The following ANKRD52 variants were observed in gnomAD, a reference collection of about 807,000 sequenced individuals.
The protein encoded by ANKRD52 is ankyrin repeat domain 52.
ANKRD52 carries 7 observed loss-of-function variants against 116.0 expected under a neutral mutation model. The observed-to-expected ratio is 0.06, with a 90% CI of 0.03 to 0.11. ANKRD52 has a LOEUF of 0.11. ANKRD52 is among the 10% of genes least tolerant of loss of function. The probability of loss-of-function intolerance (pLI) is 1.00; values close to 1 mark genes in which losing one functional copy is unlikely to be tolerated. For synonymous variants in ANKRD52, 528 were observed against 578.1 expected (o/e 0.91, Z 1.24); for missense variants, 839 against 1,408.6 (o/e 0.60, Z 6.47).
intron 15 of ANKRD52, among the ~76,000 whole-genome samples, chr12:56,250,370 T>A (rs1437694299): frequency 5.5e-5 from 8 of 145,370 alleles, no homozygotes; most frequent in African/African-American, 1.8e-4. Flanking sequence ...TTTTGTGGGT[T>A]TTTTTTTTTT....
chr12:56,255,183 T>A lies in ANKRD52; in HGVS notation c.463-231A>T. Reference sequence around the variant, plus strand: ...AGAGTCTCTTCAGGTGATCTGGTGGTTCTTAAACTCTTTTTTTTTTTTTTT... The same window carrying A: ...AGAGTCTCTTCAGGTGATCTGGTGGATCTTAAACTCTTTTTTTTTTTTTTT... On this transcript the variant is annotated intron_variant, in intron 5 of 27. Transcript: ENST00000267116. This position sits in a 1 kb window ranked among gnomAD's most constrained non-coding sequence, Gnocchi z 4.3. 2.2e-6 allele frequency: 1 copy of A among 452,944 alleles called. No homozygotes were observed. Among genetic ancestry groups the A allele is most frequent in the South Asian group, 4.6e-5 (1 of 21,736 alleles). 28.1% of individuals were successfully genotyped at this position (452,944 alleles called of 1,614,324 possible).
rs1871729660 is a variant in ANKRD52 at position 56,252,126 on chromosome 12, G to A, written c.1512-31C>T. On this transcript the variant is annotated intron_variant, in intron 14 of 27. Transcript: ENST00000267116. The surrounding 1 kb of genome is among the most constrained non-coding windows in gnomAD (Gnocchi z 4.7). Reference sequence around the variant, plus strand: ...GAAGAGAGAGAGAAAGTTAGGGCCAGGCTCAGGGAGGTGAATGGGGCTGAG... The same window carrying A: ...GAAGAGAGAGAGAAAGTTAGGGCCAAGCTCAGGGAGGTGAATGGGGCTGAG... The A allele has an allele frequency of 4.3e-6, 7 of 1,613,946 alleles. No individual in the cohort carries two copies. The highest frequency in any genetic ancestry group is 5.1e-6 in the Non-Finnish European group (6 of 1,179,842).
rs1296018775 is a variant in ANKRD52, at chr12:56,247,497, C to T, written c.2180G>A (p.Arg727His). The change falls in exon 20 of 28, where the codon CGC (arginine) becomes CAC (histidine). Residue 727 changes from arginine to histidine, a missense_variant. Around this residue, in one of 2 missense-constraint regions of ANKRD52, gnomAD observed 552 missense variants for 810.6 expected, o/e 0.68. Transcript: ENST00000267116. ...CCCCCCTAGAAGCTCACTCACCCCG[C>T]GGTGGAGGGCAGTGCGGCCCCGGAG... The part of the protein sequence containing the change: ...ADLRGRTALH[R>H]GAVTGCEDCL... 9 of 1,575,128 alleles carry T rather than the reference C, an allele frequency of 5.7e-6. No homozygotes were observed. Among genetic ancestry groups the T allele is most frequent in the Non-Finnish European group, 7.8e-6 (9 of 1,159,514 alleles).
In ANKRD52 at chr12:56,253,368, G is replaced by A. The variant is rs1403596647; in HGVS notation, c.1020C>T (p.Asn340=). ...SEIDCADKFG[N]TPLHVAARYG... is the part of the protein sequence containing the mutation. The stretch of plus-strand genomic sequence containing the variant: ...ATCGAGCAGCCACATGCAGTGGCGT[G>A]TTCCCAAATTTGTCGGCACAATCAA... Residue 340 remains asparagine (N), a synonymous_variant, in exon 10 of 28, where the codon AAC becomes AAT. Transcript: ENST00000267116. The surrounding 1 kb of genome is among the most constrained non-coding windows in gnomAD (Gnocchi z 5.5). 2 of 1,613,818 alleles carry A rather than the reference G, an allele frequency of 1.2e-6. No individual in the cohort carries two copies.
chr12:56,245,371 T>C lies in ANKRD52; in HGVS notation c.2404+6A>G, dbSNP rs772357739. On this transcript the variant is annotated splice_donor_region_variant and intron_variant, in intron 21 of 27. Coordinates refer to ENST00000267116, the MANE Select transcript of ANKRD52 (RefSeq NM_173595.4). ...TCCTGTGCCTGTGGAGGCCCCAGTC[T>C]AGTACCAGTGTAGGAGGCCCAGTGC... 5 of 1,609,948 alleles carry C rather than the reference T, an allele frequency of 3.1e-6. No homozygotes were observed. In the South Asian group the frequency reaches 3.3e-5, roughly 11 times the overall value.
Position 56,252,210 on chromosome 12 carries a change from G to A in ANKRD52, c.1476C>T (p.Pro492=). The change falls in exon 14 of 28, where the codon CCC becomes CCT. Residue 492 remains proline, a synonymous_variant. Coordinates refer to ENST00000267116, the MANE Select transcript of ANKRD52 (RefSeq NM_173595.4). The surrounding 1 kb of genome is among the most constrained non-coding windows in gnomAD (Gnocchi z 4.7). ...VNEADCKGCS[P]LHYAAASDTY... ...TGTCAGAAGCGGCAGCGTAGTGGAG[G>A]GGAGAGCAGCCTTTACAGTCGGCCT... is the stretch of plus-strand genomic sequence containing the variant. 1 of 1,613,992 alleles carries A rather than the reference G, an allele frequency of 6.2e-7. No individual in the cohort carries two copies. Among genetic ancestry groups the A allele is most frequent in the Non-Finnish European group, 8.5e-7 (1 of 1,179,894 alleles).
At position 56,242,521 on chromosome 12, in the gene ANKRD52, G is replaced by T. The variant is rs1224851540; in HGVS notation, c.*621C>A. Reference sequence around the variant, plus strand: ...TTGGGGCCCAGGTACAGTAGTTGCTGCTTCAAGTGTTTTGCATTTGAACTT... The same window carrying T: ...TTGGGGCCCAGGTACAGTAGTTGCTTCTTCAAGTGTTTTGCATTTGAACTT... On this transcript the variant is annotated 3_prime_UTR_variant, in exon 28 of 28. Coordinates refer to ENST00000267116, the MANE Select transcript of ANKRD52 (RefSeq NM_173595.4). This position sits in a 1 kb window ranked among gnomAD's most constrained non-coding sequence, Gnocchi z 4.3. The T allele has an allele frequency of 4.2e-6, 1 of 238,968 alleles. No homozygotes were observed. The highest frequency in any genetic ancestry group is 7.7e-5 in the East Asian group (1 of 13,070). 14.8% of individuals were successfully genotyped at this position (238,968 alleles called of 1,614,324 possible). A position where few individuals can be genotyped will look rare whatever the true frequency, so the allele number is the denominator to read the frequency against.
Position 56,252,429 on chromosome 12 carries a change from A to C in ANKRD52, c.1370+73T>G, listed in dbSNP as rs77120931. 0.059 allele frequency: 94,388 copies of C among 1,594,152 alleles called. 3,163 individuals carry two copies. Among genetic ancestry groups the C allele is most frequent in the Non-Finnish European group, 0.067 (77,760 of 1,162,564 alleles). ...TTCTCCTTATTTAAGTCTCCAATCT[A>C]AACCCTTCCTCCCTCTACCATTTGT... On this transcript the variant is annotated intron_variant, in intron 13 of 27. Coordinates refer to ENST00000267116, the MANE Select transcript of ANKRD52 (RefSeq NM_173595.4). The surrounding 1 kb of genome is among the most constrained non-coding windows in gnomAD (Gnocchi z 4.7).
intron 19 of ANKRD52, 28 bp from the exon 20 acceptor site, chr12:56,247,638 G>A (rs764623281): frequency 7.0e-5 from 111 of 1,590,914 alleles, no homozygotes; most frequent in Non-Finnish European, 9.1e-5. Context: ...GAGGAGTGAG[G>A]ATCCCGCAAG....
chr12:56,254,506 A>AT lies in ANKRD52; in HGVS notation c.693+71dup. The AT allele has an allele frequency of 1.3e-6, 2 of 1,573,542 alleles. No individual in the cohort carries two copies. The highest frequency in any genetic ancestry group is 1.7e-6 in the Non-Finnish European group (2 of 1,160,344). On this transcript the variant is annotated intron_variant, in intron 7 of 27. Coordinates refer to ENST00000267116, the MANE Select transcript of ANKRD52 (RefSeq NM_173595.4). The surrounding 1 kb of genome is among the most constrained non-coding windows in gnomAD (Gnocchi z 4.6). ...AACTATACCAACATCCCAATACCTC[A>AT]TATCTCCGTAACAGACTATAATCTC...
rs1278962898 is a variant in ANKRD52 at position 56,245,517 on chromosome 12, C to A, written c.2264G>T (p.Arg755Leu). ...AFVLCRDFKG[R>L]TPIHLASACG... ...GGCTGAGGCCAGGTGAATGGGCGTG[C>A]GGCCCTTAAAGTCTCGGCACAGCAC... is the stretch of plus-strand genomic sequence containing the variant. The change falls in exon 21 of 28, where the codon CGC (arginine) becomes CTC (leucine). Residue 755 changes from arginine to leucine, a missense_variant. Physicochemically the swap from Arg to Leu is moderately radical, Grantham distance 102 (BLOSUM62 -2). Around this residue, in one of 2 missense-constraint regions of ANKRD52, gnomAD observed 552 missense variants for 810.6 expected, o/e 0.68. Transcript: ENST00000267116. 1.2e-6 allele frequency: 2 copies of A among 1,611,454 alleles called. No homozygotes were observed. Among genetic ancestry groups the A allele is most frequent in the South Asian group, 2.2e-5 (2 of 90,952 alleles).
rs369393909 is a variant in ANKRD52 at position 56,252,928 on chromosome 12, C to G, written c.1184-31G>C. 3 of 1,609,104 alleles carry G rather than the reference C, an allele frequency of 1.9e-6. No individual in the cohort carries two copies. The African/African-American group carries it at 4.0e-5, about 22-fold the overall frequency. ...GGCACAGAACAGCCACAGGTCACATCTGAGAGTGTTCAGCAGGGAGGGAAA... is the reference window on the plus strand; with the variant it reads ...GGCACAGAACAGCCACAGGTCACATGTGAGAGTGTTCAGCAGGGAGGGAAA... On this transcript the variant is annotated intron_variant, in intron 11 of 27. Coordinates refer to ENST00000267116, the MANE Select transcript of ANKRD52 (RefSeq NM_173595.4). The surrounding 1 kb of genome is among the most constrained non-coding windows in gnomAD (Gnocchi z 4.7).
intron 20 of ANKRD52, 128 bp downstream of exon 20, chr12:56,247,352 AAAAAAAAAAAAAG>A: frequency 1.4e-6 from 1 of 719,340 alleles, no homozygotes. Context: ...GTCTCAAAAA[AAAAAAAAAAAAAG>A]AAAAAGAAAA....
At chr12:56,258,215 G>A (rs778602790) in intron 1 of ANKRD52, 28 bp downstream of exon 1, 2 of 1,597,928 alleles carry the variant, frequency 1.3e-6, no homozygotes, top group Admixed American at 1.7e-5. Flanking sequence ...CCTGGAAGGA[G>A]GAAGCGGGAA....
intron 2 of ANKRD52, 108 bp from the exon 3 acceptor site, chr12:56,257,469 T>A: frequency 9.7e-7 from 1 of 1,026,372 alleles, no homozygotes; most frequent in Non-Finnish European, 1.5e-6. Context: ...CCTCTTCCCA[T>A]AGTTTCTGCA....
intron 1 of ANKRD52, 75 bp downstream of exon 1, chr12:56,258,168 C>A: frequency 6.4e-7 from 1 of 1,559,944 alleles, no homozygotes; most frequent in African/African-American, 1.4e-5. Flanking sequence ...CAGCCTAGGC[C>A]GCACATCCCC....
rs1202568758 is a variant in ANKRD52 at position 56,253,818 on chromosome 12, G to GT, written c.907-19dup. On this transcript the variant is annotated intron_variant, in intron 8 of 27. Transcript: ENST00000267116. This position sits in a 1 kb window ranked among gnomAD's most constrained non-coding sequence, Gnocchi z 5.5. ...TCTTTGCTCTGTGGAAACATGGTGG[G>GT]TTTTTGTTTTTGTTTTTTTTTCCAG... 2.5e-6 allele frequency: 4 copies of GT among 1,610,408 alleles called. No homozygotes were observed. The highest frequency in any genetic ancestry group is 2.5e-6 in the Non-Finnish European group (3 of 1,177,544).
chr12:56,254,856 C>T lies in ANKRD52; in HGVS notation c.550+9G>A, dbSNP rs373125037. 2.3e-4 allele frequency: 375 copies of T among 1,611,490 alleles called. No individual in the cohort carries two copies. The highest frequency in any genetic ancestry group is 2.5e-4 in the Non-Finnish European group (293 of 1,177,700). Reference sequence around the variant, plus strand: ...CAAATTTCTGATTTTCCCGTGTATTCTCTCTCACCTAGAAAAGCTGCCCAA... The same window carrying T: ...CAAATTTCTGATTTTCCCGTGTATTTTCTCTCACCTAGAAAAGCTGCCCAA... On this transcript the variant is annotated intron_variant, in intron 6 of 27. Transcript: ENST00000267116. This position sits in a 1 kb window ranked among gnomAD's most constrained non-coding sequence, Gnocchi z 4.6.
Position 56,255,654 on chromosome 12 carries a change from A to C in ANKRD52, c.462+130T>G, listed in dbSNP as rs770566795. 173 of 774,680 alleles carry C rather than the reference A, an allele frequency of 2.2e-4. No homozygotes were observed. The highest frequency in any genetic ancestry group is 1.4e-3 in the South Asian group (71 of 51,352). 48.0% of individuals were successfully genotyped at this position (774,680 alleles called of 1,614,324 possible). On this transcript the variant is annotated intron_variant, in intron 5 of 27. Transcript: ENST00000267116. The surrounding 1 kb of genome is among the most constrained non-coding windows in gnomAD (Gnocchi z 4.3). ...AGTCTGACCATTCATTTAGTGCTTC[A>C]GCTTAAGTGTTTATATAACCATCCG...
Sources: allele counts gnomAD v4.1 joint callset (sites outside exome capture counted in the v4.1 genomes callset), GRCh38; gene constraint gnomAD v4.1.1; regional missense constraint gnomAD v4.1.1; non-coding constraint Gnocchi (gnomAD v3.1); transcripts MANE v1.5; gene names NCBI Gene and HGNC (gene_info 2026-07-23, HGNC 2026-07-21).